The following RIMBP2 variants were observed in gnomAD, a reference collection of about 807,000 sequenced individuals.
RIMBP2 encodes the protein RIMS binding protein 2.
RIMBP2 carries 48 observed loss-of-function variants against 118.6 expected under a neutral mutation model. The ratio of observed to expected loss-of-function variants is 0.40; its 90% confidence interval spans 0.32 to 0.51. The LOEUF is 0.51. Among genes scored for constraint, RIMBP2 ranks in the 20% least tolerant of loss-of-function variants. The pLI is 0.41. For synonymous variants in RIMBP2, 762 were observed against 742.9 expected (o/e 1.03, Z -0.42); for missense variants, 1,551 against 1,768.3 (o/e 0.88, Z 2.20).
intron 1 of RIMBP2, among the ~76,000 whole-genome samples, chr12:130,664,023 GTT>G (rs78720470): frequency 0.53 from 80,396 of 150,424 alleles, 22,600 homozygotes; most frequent in Non-Finnish European, 0.62. Flanking sequence ...TATATTGTGG[GTT>G]TTTTTTAAAA....
At chr12:130,509,652 G>A (rs993072594) in intron 3 of RIMBP2, among the ~76,000 whole-genome samples, 3 of 151,966 alleles carry the variant, frequency 2.0e-5, no homozygotes, top group African/African-American at 4.8e-5. Context: ...ACCCATAGCA[G>A]GTGGCCATGG....
chr12:130,714,965 C>T (rs2032011028), intron 1 of RIMBP2, among the ~76,000 whole-genome samples: 1 of 152,176 alleles, frequency 6.6e-6, no homozygotes, highest in South Asian at 2.1e-4. Context: ...CCTTAGAAAC[C>T]GGGTGAGTGA....
chr12:130,460,973 G>A (rs1202103039), intron 6 of RIMBP2, among the ~76,000 whole-genome samples: 1 of 152,104 alleles, frequency 6.6e-6, no homozygotes, highest in African/African-American at 2.4e-5. Context: ...AACGCCCCCA[G>A]GCTCCCAGCT....
At chr12:130,418,777 G>A (rs2076248649) in intron 17 of RIMBP2, among the ~76,000 whole-genome samples, 1 of 152,140 alleles carries the variant, frequency 6.6e-6, no homozygotes, top group Non-Finnish European at 1.5e-5. Context: ...TTCTCAGTAG[G>A]TGGCTTATAC....
At chr12:130,448,669 A>C (rs565599545) in intron 9 of RIMBP2, among the ~76,000 whole-genome samples, 1 of 152,366 alleles carries the variant, frequency 6.6e-6, no homozygotes, top group East Asian at 1.9e-4. Flanking sequence ...GTCTGCATGC[A>C]ATAGCCTCTC....
chr12:130,606,284 A>G (rs2060182331), intron 2 of RIMBP2, among the ~76,000 whole-genome samples: 2 of 152,380 alleles, frequency 1.3e-5, no homozygotes, highest in South Asian at 2.1e-4. Flanking sequence ...CTCCCAAATT[A>G]AAAATCACAG....
At chr12:130,606,255 G>A (rs879407993) in intron 2 of RIMBP2, among the ~76,000 whole-genome samples, 4 of 152,188 alleles carry the variant, frequency 2.6e-5, no homozygotes, top group Non-Finnish European at 5.9e-5. Context: ...TTGTCTGTAT[G>A]TTTCTGAGAA....
chr12:130,610,881 T>C (rs571768638), intron 2 of RIMBP2, among the ~76,000 whole-genome samples: 7 of 152,310 alleles, frequency 4.6e-5, no homozygotes, highest in African/African-American at 1.7e-4. Context: ...TTAAATTCAC[T>C]GTCACCTCCC....
rs186448343 is a variant in RIMBP2, at chr12:130,609,415, C to A, written c.-217+18907G>T. Among the ~76,000 whole-genome samples the A allele has an allele frequency of 2.0e-5, 3 of 150,984 alleles. No homozygotes were observed. The East Asian group carries it at 5.8e-4, about 29-fold the overall frequency. ...TGATGTTGGCAGGGCCTTGATTAAC[C>A]CTCCTTGGTGATATGGTCAGAGGGA... is the stretch of plus-strand genomic sequence containing the variant. On this transcript the variant is annotated intron_variant, in intron 2 of 22. Coordinates refer to ENST00000690449, the MANE Select transcript of RIMBP2 (RefSeq NM_001393629.1).
At chr12:130,569,447 G>A (rs1318800335) in intron 2 of RIMBP2, among the ~76,000 whole-genome samples, 3 of 152,150 alleles carry the variant, frequency 2.0e-5, no homozygotes, top group Admixed American at 1.3e-4. Context: ...GCTGAGCCAC[G>A]CAACCTAAAA....
chr12:130,658,973 C>G (rs1402087573), intron 1 of RIMBP2, among the ~76,000 whole-genome samples: 1 of 151,964 alleles, frequency 6.6e-6, no homozygotes, highest in Non-Finnish European at 1.5e-5. Context: ...CTTCCTCCAC[C>G]ATGCCAACCT....
chr12:130,627,839 G>A (rs1403066317), intron 2 of RIMBP2, among the ~76,000 whole-genome samples: 1 of 152,158 alleles, frequency 6.6e-6, no homozygotes, highest in Non-Finnish European at 1.5e-5. Flanking sequence ...CCAGTCATGT[G>A]GACTACATGG....
intron 4 of RIMBP2, among the ~76,000 whole-genome samples, chr12:130,480,973 C>T (rs538565076): frequency 7.5e-4 from 114 of 152,340 alleles, no homozygotes; most frequent in African/African-American, 2.5e-3. Context: ...AGGTCGGACA[C>T]ACGCGTCCAA....
chr12:130,445,797 C>G (rs770971377), intron 9 of RIMBP2, among the ~76,000 whole-genome samples: 3 of 152,148 alleles, frequency 2.0e-5, no homozygotes, highest in Non-Finnish European at 2.9e-5. Flanking sequence ...CTTTATTTAA[C>G]CAGTTTCCTA....
chr12:130,546,160 G>A (rs2055137416), intron 2 of RIMBP2, among the ~76,000 whole-genome samples: 1 of 141,150 alleles, frequency 7.1e-6, no homozygotes, highest in African/African-American at 2.6e-5. Flanking sequence ...CTGGAGTGCA[G>A]TGGCGCAATC....
At chr12:130,697,190 C>T (rs756073918) in intron 1 of RIMBP2, among the ~76,000 whole-genome samples, 1 of 152,314 alleles carries the variant, frequency 6.6e-6, no homozygotes, top group Middle Eastern at 3.4e-3. Flanking sequence ...CCATCCTGAA[C>T]TAAGACCACA....
At position 130,576,748 on chromosome 12, in the gene RIMBP2, C is replaced by T. The variant is rs552652924; in HGVS notation, c.-217+51574G>A. On this transcript the variant is annotated intron_variant, in intron 2 of 22. Transcript: ENST00000690449. This position sits in a 1 kb window ranked among gnomAD's most constrained non-coding sequence, Gnocchi z 4.2. ...CGCCGAGCGCCGAGAGGCATATGTG[C>T]GCACCACATGCCACAAACACAAGCT... Among the ~76,000 whole-genome samples the T allele has an allele frequency of 2.6e-5, 4 of 152,326 alleles. No individual in the cohort carries two copies. The highest frequency in any genetic ancestry group is 5.9e-5 in the Non-Finnish European group (4 of 68,028).
chr12:130,633,499 A>G (rs2062132392), intron 1 of RIMBP2, among the ~76,000 whole-genome samples: 1 of 152,086 alleles, frequency 6.6e-6, no homozygotes, highest in African/African-American at 2.4e-5. Context: ...CCCACAGCCC[A>G]CCGAAACTGA....
intron 2 of RIMBP2, among the ~76,000 whole-genome samples, chr12:130,552,815 T>C (rs2055937973): frequency 6.6e-6 from 1 of 152,134 alleles, no homozygotes; most frequent in Admixed American, 6.5e-5. Flanking sequence ...GATTAAGAGA[T>C]ACCCAGGGTC....
Sources: allele counts gnomAD v4.1 joint callset (sites outside exome capture counted in the v4.1 genomes callset), GRCh38; gene constraint gnomAD v4.1.1; non-coding constraint Gnocchi (gnomAD v3.1); transcripts MANE v1.5; gene names NCBI Gene and HGNC (gene_info 2026-07-23, HGNC 2026-07-21).